The following TLCD4 variants were observed in gnomAD, a reference collection of about 807,000 sequenced individuals.
The protein encoded by TLCD4 is TLC domain containing 4, also known as TLC domain-containing protein 4.
TLCD4 carries 7 observed loss-of-function variants against 24.2 expected under a neutral mutation model. The ratio of observed to expected loss-of-function variants is 0.29; its 90% CI spans 0.16 to 0.54. The LOEUF (loss-of-function observed/expected upper bound fraction) is 0.54, where lower values mean the gene tolerates loss of function less well. Ranked by LOEUF, TLCD4 falls within the 20% of genes least tolerant of loss-of-function variation. The probability of loss-of-function intolerance (pLI) is 0.95; values close to 1 mark genes in which losing one functional copy is unlikely to be tolerated. For missense variants in TLCD4, 259 were observed against 313.9 expected (o/e 0.82, Z 1.32); for synonymous variants, 103 against 106.4 (o/e 0.97, Z 0.20).
At chr1:95,122,102 G>T (rs1311773237) in intron 1 of TLCD4, among the ~76,000 whole-genome samples, 1 of 152,176 alleles carries the variant, frequency 6.6e-6, no homozygotes, top group Non-Finnish European at 1.5e-5. Flanking sequence ...GGTGGCTCAC[G>T]CCTATAATCC....
At chr1:95,110,382 C>G in the TLCD4 span, among the ~76,000 whole-genome samples, 1 of 151,900 alleles carries the variant, frequency 6.6e-6, no homozygotes, top group African/African-American at 2.4e-5. Flanking sequence ...AATTTTTAGT[C>G]AGACATTACT....
At chr1:95,159,280 G>T (rs1489477317) in intron 5 of TLCD4, among the ~76,000 whole-genome samples, 1 of 152,128 alleles carries the variant, frequency 6.6e-6, no homozygotes, top group Non-Finnish European at 1.5e-5. Context: ...ATTTTTTCAC[G>T]TGTCTGTTGG....
intron 5 of TLCD4, among the ~76,000 whole-genome samples, chr1:95,154,629 A>T (rs1038391633): frequency 6.6e-6 from 1 of 152,066 alleles, no homozygotes; most frequent in Non-Finnish European, 1.5e-5. Flanking sequence ...GCTTAATGCT[A>T]GGTAGGAACA....
chr1:95,101,399 T>A, the TLCD4 span, among the ~76,000 whole-genome samples: 3 of 144,888 alleles, frequency 2.1e-5, no homozygotes, highest in Non-Finnish European at 4.5e-5. Flanking sequence ...CCATTGTGCC[T>A]GACTAATTAA....
intron 5 of TLCD4, among the ~76,000 whole-genome samples, chr1:95,155,149 C>T (rs1677598064): frequency 6.6e-6 from 1 of 151,696 alleles, no homozygotes; most frequent in African/African-American, 2.4e-5. Flanking sequence ...TTCTCTTTTC[C>T]CCCCCACCTT....
chr1:95,105,231 A>G, the TLCD4 span, among the ~76,000 whole-genome samples: 1 of 152,172 alleles, frequency 6.6e-6, no homozygotes, highest in African/African-American at 2.4e-5. Context: ...GAAGGAATGC[A>G]TTTCACTGCA....
chr1:95,177,683 TG>T (rs1208263645), intron 6 of TLCD4, among the ~76,000 whole-genome samples: 1 of 152,194 alleles, frequency 6.6e-6, no homozygotes, highest in Non-Finnish European at 1.5e-5. Context: ...GGAGCTCTCT[TG>T]GTGATAAAAC....
chr1:95,189,910 A>T (rs1678965751), intron 6 of TLCD4, among the ~76,000 whole-genome samples: 1 of 152,138 alleles, frequency 6.6e-6, no homozygotes, highest in Non-Finnish European at 1.5e-5. Context: ...TGTGCTATGA[A>T]TATGTTTAGT....
At chr1:95,167,510 G>A (rs1488807419) in intron 5 of TLCD4, among the ~76,000 whole-genome samples, 2 of 152,066 alleles carry the variant, frequency 1.3e-5, no homozygotes, top group African/African-American at 2.4e-5. Context: ...AGAGAGTCTT[G>A]GAACATGTGC....
At chr1:95,172,544 C>T (rs1377289387) in intron 5 of TLCD4, among the ~76,000 whole-genome samples, 2 of 152,164 alleles carry the variant, frequency 1.3e-5, no homozygotes, top group Non-Finnish European at 2.9e-5. Context: ...GTTGCTGTGT[C>T]TTTGGCCATC....
the TLCD4 span, among the ~76,000 whole-genome samples, chr1:95,107,743 T>G: frequency 6.6e-6 from 1 of 152,222 alleles, no homozygotes; most frequent in Non-Finnish European, 1.5e-5. Context: ...GGGTTCTTCA[T>G]GTTTCAAAAC....
the TLCD4 span, among the ~76,000 whole-genome samples, chr1:95,099,053 C>CAAAAA: frequency 0.12 from 8,403 of 70,138 alleles, 1,156 homozygotes; most frequent in Non-Finnish European, 0.13. Context: ...AACTCTGTCT[C>CAAAAA]AAAAAAAAAA....
intron 1 of TLCD4, chr1:95,117,891 T>C (rs1468361820): frequency 6.6e-6 from 1 of 150,876 alleles, no homozygotes; most frequent in Non-Finnish European, 1.5e-5. Context: ...CGGGAGCAAA[T>C]GGTGTCCCGG....
chr1:95,115,693 T>A (rs149202367), upstream of TLCD4, among the ~76,000 whole-genome samples: 2 of 152,200 alleles, frequency 1.3e-5, no homozygotes, highest in Admixed American at 1.3e-4. Context: ...TGGATTTCTG[T>A]GGGTTTACCT....
At position 95,160,011 on chromosome 1, in the gene TLCD4, A is replaced by G. The variant is rs1325200708; in HGVS notation, c.399+8592A>G. 2.0e-5 allele frequency among the ~76,000 whole-genome samples: 3 copies of G among 152,128 alleles called. No homozygotes were observed. The East Asian group carries it at 5.8e-4, about 29-fold the overall frequency. The stretch of plus-strand genomic sequence containing the variant: ...CGGGCTCTTTTTTCATTCCATATGA[A>G]CTTTAAAGTAGTTTTTTCCAATTCT... On this transcript the variant is annotated intron_variant, in intron 5 of 6. Coordinates refer to ENST00000370203, the MANE Select transcript of TLCD4 (RefSeq NM_152487.3).
chr1:95,136,579 T>C (rs904370182), intron 1 of TLCD4, among the ~76,000 whole-genome samples: 1 of 152,200 alleles, frequency 6.6e-6, no homozygotes, highest in Non-Finnish European at 1.5e-5. Flanking sequence ...TATCAAGAGA[T>C]ATTTCTCAAT....
chr1:95,093,601 C>T, the TLCD4 span, among the ~76,000 whole-genome samples: 1 of 152,210 alleles, frequency 6.6e-6, no homozygotes, highest in East Asian at 1.9e-4. Flanking sequence ...TTTGGGTGTC[C>T]CAAGGGATTG....
the TLCD4 span, among the ~76,000 whole-genome samples, chr1:95,099,595 ATT>A: frequency 3.3e-5 from 5 of 152,348 alleles, no homozygotes; most frequent in Non-Finnish European, 7.3e-5. Context: ...ATAAGTAGGT[ATT>A]TAATATACTT....
intron 1 of TLCD4, among the ~76,000 whole-genome samples, chr1:95,133,800 G>A (rs1676970018): frequency 6.6e-6 from 1 of 152,056 alleles, no homozygotes; most frequent in African/African-American, 2.4e-5. Context: ...ACCTTCTCAT[G>A]TGTGACATTC....
Sources: gnomAD v4.1 joint callset for allele counts (sites outside exome capture counted in the v4.1 genomes callset) on GRCh38, gnomAD v4.1.1 for gene constraint, MANE v1.5 for transcripts, NCBI Gene and HGNC (gene_info 2026-07-23, HGNC 2026-07-21) for gene names.